Variants in KIF15 observed in about 807,000 individuals in gnomAD.
KIF15 encodes kinesin-like protein KIF15.
In KIF15, 140 loss-of-function variants were observed where a neutral mutation model predicts 190.6. The observed-to-expected ratio is 0.73, with a 90% CI of 0.64 to 0.84. The LOEUF is 0.84. KIF15 is among the 40% of genes least tolerant of loss of function. KIF15 has a pLI of 0.00. For synonymous variants in KIF15, 528 were observed against 551.3 expected, an observed-to-expected ratio of 0.96 and a Z score of 0.59; for missense variants, 1,372 against 1,584.4, an observed-to-expected ratio of 0.87 and a Z score of 2.28.
chr3:44,838,308 A>G lies in KIF15; in HGVS notation c.3205A>G (p.Thr1069Ala). 3.7e-6 allele frequency: 6 copies of G among 1,613,800 alleles called. No individual in the cohort carries two copies. Among genetic ancestry groups the G allele is most frequent in the Admixed American group, 1.7e-5 (1 of 59,968 alleles). ...DMLCEDLAHA[T>A]EQLNMLTEAS... ...GCTCTGTGAGGACCTGGCTCATGCC[A>G]CTGAGCAGCTGAACATGCTCACAGA... The change falls in exon 27 of 35, where the codon ACT becomes GCT. Residue 1069 changes from threonine (T) to alanine (A), a missense_variant. Thr to Ala is a moderately conservative substitution (Grantham distance 58). Coordinates refer to ENST00000326047, the MANE Select transcript of KIF15 (RefSeq NM_020242.3).
In KIF15 at chr3:44,838,483, C is replaced by T. The variant is rs1029221870; in HGVS notation, c.3318+62C>T. The T allele has an allele frequency of 7.2e-6, 11 of 1,522,480 alleles. No homozygotes were observed. The South Asian group carries it at 1.3e-4, about 18-fold the overall frequency. 94.3% of individuals were successfully genotyped at this position (1,522,480 alleles called of 1,614,324 possible). ...AAGAGACCAAGTGTAGTGGCTCACTCCTGTAATCCCAGCACTTTGAGAGGC... is the reference window on the plus strand; with the variant it reads ...AAGAGACCAAGTGTAGTGGCTCACTTCTGTAATCCCAGCACTTTGAGAGGC... On this transcript the variant is annotated intron_variant, in intron 27 of 34. Transcript: ENST00000326047.
chr3:44,861,971 C>G, intron 6 of KIF15: 1 of 1,392,890 alleles, frequency 7.2e-7, no homozygotes. Context: ...TCCGCGACCG[C>G]GTACCCTGAC....
At chr3:44,837,715 A>G (rs1698395362) in intron 26 of KIF15, among the ~76,000 whole-genome samples, 1 of 152,168 alleles carries the variant, frequency 6.6e-6, no homozygotes, top group Non-Finnish European at 1.5e-5. Context: ...GGGAGGAATT[A>G]CATATACTGT....
At chr3:44,770,686 T>C (rs1705603507) in intron 1 of KIF15, among the ~76,000 whole-genome samples, 1 of 152,220 alleles carries the variant, frequency 6.6e-6, no homozygotes, top group Non-Finnish European at 1.5e-5. Context: ...TGGAATCTTA[T>C]TGCACTGATG....
At chr3:44,777,103 T>C (rs113725087) in intron 3 of KIF15, among the ~76,000 whole-genome samples, 1,648 of 151,048 alleles carry the variant, frequency 0.011, 28 homozygotes, top group African/African-American at 0.037. Context: ...TACAGGCATA[T>C]GCCACTATGC....
In KIF15 at chr3:44,828,311, T is replaced by C. The variant is rs1180681844; in HGVS notation, c.2943+11T>C. On this transcript the variant is annotated intron_variant, in intron 24 of 34. Coordinates refer to ENST00000326047, the MANE Select transcript of KIF15 (RefSeq NM_020242.3). ...AGAGATTCTGATAAGGTTGGTAGAG[T>C]TTGAAGCTACATCTCTCTGTGCATT... is the stretch of plus-strand genomic sequence containing the variant. 1.9e-6 allele frequency: 3 copies of C among 1,575,766 alleles called. No individual in the cohort carries two copies. The highest frequency in any genetic ancestry group is 2.6e-6 in the Non-Finnish European group (3 of 1,146,284).
chr3:44,775,696 T>G (rs1177467806), intron 3 of KIF15, among the ~76,000 whole-genome samples: 3 of 151,766 alleles, frequency 2.0e-5, no homozygotes, highest in Admixed American at 2.0e-4. Context: ...CCTCGTGATC[T>G]GCCCGCCTCA....
intron 6 of KIF15, among the ~76,000 whole-genome samples, chr3:44,861,372 C>G (rs1190250820): frequency 6.6e-6 from 1 of 152,252 alleles, no homozygotes. Context: ...GGATCATTGT[C>G]TTCCTCTCAT....
chr3:44,813,059 A>T lies in KIF15; in HGVS notation c.2278-16A>T, dbSNP rs746965929. Reference sequence around the variant, plus strand: ...CCAGTATTCCTTTTCCAGTAAATTTATCTTTTTTCCCAAAGCTTTTCTCAT... The same window carrying T: ...CCAGTATTCCTTTTCCAGTAAATTTTTCTTTTTTCCCAAAGCTTTTCTCAT... On this transcript the variant is annotated splice_polypyrimidine_tract_variant and intron_variant, in intron 18 of 34. Transcript: ENST00000326047. The T allele has an allele frequency of 1.3e-6, 2 of 1,483,020 alleles. No homozygotes were observed. The highest frequency in any genetic ancestry group is 1.8e-6 in the Non-Finnish European group (2 of 1,086,608). The allele number at this position is 1,483,020 out of a possible 1,614,324, so 91.9% of individuals were successfully genotyped here.
At chr3:44,852,417 A>G (rs1699094204) in intron 34 of KIF15, 78 bp downstream of exon 34, 8 of 1,391,604 alleles carry the variant, frequency 5.7e-6, no homozygotes, top group Non-Finnish European at 7.8e-6. Flanking sequence ...TTAAAACTTA[A>G]TTATTGAATC....
chr3:44,773,832 C>T (rs947475873), intron 1 of KIF15, among the ~76,000 whole-genome samples: 4 of 152,028 alleles, frequency 2.6e-5, no homozygotes, highest in Non-Finnish European at 4.4e-5. Flanking sequence ...TGTCGCATGA[C>T]CAGGAAAGAT....
downstream of KIF15, among the ~76,000 whole-genome samples, chr3:44,857,566 T>G (rs1699201361): frequency 6.6e-6 from 1 of 152,204 alleles, no homozygotes; most frequent in Non-Finnish European, 1.5e-5. Context: ...GAGCAGTCTC[T>G]AAAGCTGTCT....
At chr3:44,775,022 C>T (rs918639783) in intron 2 of KIF15, among the ~76,000 whole-genome samples, 14 of 151,972 alleles carry the variant, frequency 9.2e-5, no homozygotes, top group African/African-American at 3.4e-4. Flanking sequence ...ATCACTTGAA[C>T]CCAGGAGGTG....
At chr3:44,833,009 C>CAAAA in intron 26 of KIF15, among the ~76,000 whole-genome samples, 1 of 85,210 alleles carries the variant, frequency 1.2e-5, no homozygotes, top group Non-Finnish European at 2.6e-5. Flanking sequence ...GACTCCATCT[C>CAAAA]AAAAAAAAAA....
intron 16 of KIF15, among the ~76,000 whole-genome samples, chr3:44,808,859 A>G (rs1289241957): frequency 1.3e-5 from 2 of 152,200 alleles, no homozygotes; most frequent in Admixed American, 1.3e-4. Flanking sequence ...ATAGAGCTTG[A>G]AGCACCATGA....
chr3:44,800,499 C>T (rs1707216504), intron 11 of KIF15, 62 bp downstream of exon 11: 3 of 1,564,730 alleles, frequency 1.9e-6, no homozygotes, highest in South Asian at 2.4e-5. Flanking sequence ...TTTAAGAGCC[C>T]TTGGTGATAG....
At chr3:44,816,571 C>CA (rs1432121871) in intron 20 of KIF15, among the ~76,000 whole-genome samples, 1 of 152,158 alleles carries the variant, frequency 6.6e-6, no homozygotes, top group African/African-American at 2.4e-5. Flanking sequence ...GACATGAACT[C>CA]ATCCTTTTTT....
At chr3:44,830,583 C>T (rs577645207) in intron 25 of KIF15, among the ~76,000 whole-genome samples, 1 of 152,324 alleles carries the variant, frequency 6.6e-6, no homozygotes, top group South Asian at 2.1e-4. Flanking sequence ...ATGCTTTTCT[C>T]CTCTGGGTCG....
At chr3:44,779,616 C>T (rs111846560) in intron 4 of KIF15, among the ~76,000 whole-genome samples, 1,655 of 152,020 alleles carry the variant, frequency 0.011, 27 homozygotes, top group African/African-American at 0.037. Flanking sequence ...GCGTGGATCA[C>T]GAGGTCAGGA....
Sources: gnomAD v4.1 joint callset for allele counts (sites outside exome capture counted in the v4.1 genomes callset) on GRCh38, gnomAD v4.1.1 for gene constraint, MANE v1.5 for transcripts, NCBI Gene and HGNC (gene_info 2026-07-23, HGNC 2026-07-21) for gene names.